Variants in GNAQ observed in about 807,000 individuals in gnomAD.
The protein encoded by GNAQ is guanine nucleotide-binding protein G(q) subunit alpha.
A neutral mutation model predicts 43.9 loss-of-function variants in GNAQ; 8 were observed. The ratio of observed to expected loss-of-function variants is 0.18; its 90% CI spans 0.11 to 0.33. The LOEUF is 0.33. GNAQ is among the 10% of genes least tolerant of loss of function. The probability of loss-of-function intolerance (pLI) is 1.00; values close to 1 mark genes in which losing one functional copy is unlikely to be tolerated. For synonymous variants in GNAQ, 155 were observed against 170.7 expected, an observed-to-expected ratio of 0.91 and a Z score of 0.71; for missense variants, 158 against 450.8, an observed-to-expected ratio of 0.35 and a Z score of 5.88.
chr9:77,854,349 C>G (rs1298619722), intron 2 of GNAQ, among the ~76,000 whole-genome samples: 1 of 152,062 alleles, frequency 6.6e-6, no homozygotes, highest in Admixed American at 6.6e-5. Flanking sequence ...AATTATAGGT[C>G]ACATCAATTT....
intron 2 of GNAQ, among the ~76,000 whole-genome samples, chr9:77,855,176 T>C (rs143561680): frequency 1.5e-3 from 222 of 152,074 alleles, no homozygotes; most frequent in African/African-American, 5.0e-3. Flanking sequence ...TCTGAAAACA[T>C]AAATGAAAAT....
At chr9:77,828,542 C>G (rs757433764) in intron 2 of GNAQ, among the ~76,000 whole-genome samples, 21 of 152,204 alleles carry the variant, frequency 1.4e-4, no homozygotes, top group South Asian at 2.1e-4. Flanking sequence ...GTGCCTGTCA[C>G]TGCTATTTAA....
At chr9:77,874,373 A>C (rs1407665455) in intron 2 of GNAQ, among the ~76,000 whole-genome samples, 1 of 152,146 alleles carries the variant, frequency 6.6e-6, no homozygotes, top group Non-Finnish European at 1.5e-5. Flanking sequence ...CCCGCGTTCC[A>C]AGATATTCTT....
intron 1 of GNAQ, among the ~76,000 whole-genome samples, chr9:78,023,937 T>C (rs1823943541): frequency 6.6e-6 from 1 of 152,202 alleles, no homozygotes; most frequent in African/African-American, 2.4e-5. Context: ...ACATATTGTA[T>C]ATGTGTGTAT....
At chr9:77,731,674 G>T (rs1210892776) in intron 5 of GNAQ, among the ~76,000 whole-genome samples, 1 of 152,182 alleles carries the variant, frequency 6.6e-6, no homozygotes, top group Non-Finnish European at 1.5e-5. Flanking sequence ...GTGTAGCTAT[G>T]AATCACATGG....
intron 1 of GNAQ, among the ~76,000 whole-genome samples, chr9:78,023,614 G>A (rs1297938774): frequency 6.6e-6 from 1 of 151,306 alleles, no homozygotes; most frequent in Admixed American, 6.6e-5. Flanking sequence ...CAATCACCCT[G>A]TTGCCCCTAC....
At chr9:77,799,328 A>G (rs1015824839) in intron 3 of GNAQ, among the ~76,000 whole-genome samples, 1 of 152,228 alleles carries the variant, frequency 6.6e-6, no homozygotes, top group African/African-American at 2.4e-5. Flanking sequence ...TCTAAGATAC[A>G]TAACAAGGAA....
intron 2 of GNAQ, among the ~76,000 whole-genome samples, chr9:77,866,906 G>A (rs936255525): frequency 4.6e-5 from 7 of 152,168 alleles, no homozygotes; most frequent in African/African-American, 1.7e-4. Context: ...TGTCTTTAAA[G>A]AAATATATTT....
At chr9:77,898,862 C>T (rs763798012) in intron 2 of GNAQ, among the ~76,000 whole-genome samples, 2 of 152,012 alleles carry the variant, frequency 1.3e-5, no homozygotes, top group African/African-American at 4.8e-5. Flanking sequence ...GTTATTAAAA[C>T]AGGATTACAT....
At chr9:77,897,542 C>T (rs1358792121) in intron 2 of GNAQ, among the ~76,000 whole-genome samples, 1 of 152,218 alleles carries the variant, frequency 6.6e-6, no homozygotes, top group Non-Finnish European at 1.5e-5. Context: ...TTCTCCCTGG[C>T]CTGCCCTCAG....
chr9:77,777,302 T>G (rs916833852), intron 5 of GNAQ, among the ~76,000 whole-genome samples: 2 of 152,122 alleles, frequency 1.3e-5, no homozygotes, highest in African/African-American at 4.8e-5. Context: ...CATTAGAAAC[T>G]GTAATACCAT....
intron 1 of GNAQ, among the ~76,000 whole-genome samples, chr9:78,011,440 T>A (rs1823771479): frequency 6.6e-6 from 1 of 151,784 alleles, no homozygotes; most frequent in African/African-American, 2.4e-5. Flanking sequence ...AAAAGAAAAA[T>A]GAAGAGAATG....
chr9:77,761,163 TG>T (rs1231089340), intron 5 of GNAQ, among the ~76,000 whole-genome samples: 39 of 106,730 alleles, frequency 3.7e-4, no homozygotes, highest in African/African-American at 1.2e-3. Flanking sequence ...GGGAGGGAGG[TG>T]GGGGGGTCAG....
intron 2 of GNAQ, among the ~76,000 whole-genome samples, chr9:77,863,223 G>A (rs536767961): frequency 3.6e-4 from 55 of 151,796 alleles, no homozygotes; most frequent in African/African-American, 1.3e-3. Flanking sequence ...AGGAAGGGAG[G>A]AAGGAAGAAA....
intron 1 of GNAQ, among the ~76,000 whole-genome samples, chr9:77,980,659 T>G (rs1179712270): frequency 7.3e-6 from 1 of 137,624 alleles, no homozygotes; most frequent in Non-Finnish European, 1.6e-5. Context: ...ACCACTTTAC[T>G]AGTTTAAAAA....
chr9:78,003,135 T>C (rs1226691636), intron 1 of GNAQ, among the ~76,000 whole-genome samples: 3 of 152,172 alleles, frequency 2.0e-5, no homozygotes, highest in African/African-American at 4.8e-5. Flanking sequence ...AGCCTTATAA[T>C]TCAAAACCAA....
intron 5 of GNAQ, among the ~76,000 whole-genome samples, chr9:77,768,152 T>G (rs74682105): frequency 0.036 from 5,459 of 151,718 alleles, 285 homozygotes; most frequent in African/African-American, 0.12. Flanking sequence ...CAGTGGCAGG[T>G]CTGGGATTTG....
At chr9:77,755,298 C>T (rs1428574720) in intron 5 of GNAQ, among the ~76,000 whole-genome samples, 1 of 151,936 alleles carries the variant, frequency 6.6e-6, no homozygotes, top group Non-Finnish European at 1.5e-5. Context: ...CGAATAAGAT[C>T]TAGTATTTGA....
intron 2 of GNAQ, among the ~76,000 whole-genome samples, chr9:77,836,896 G>A (rs559194356): frequency 6.6e-6 from 1 of 152,318 alleles, no homozygotes; most frequent in Non-Finnish European, 1.5e-5. Context: ...GTGGAGTAGA[G>A]ATAGGACATA....
Sources: gnomAD v4.1 joint callset for allele counts (sites outside exome capture counted in the v4.1 genomes callset) on GRCh38, gnomAD v4.1.1 for gene constraint, MANE v1.5 for transcripts, NCBI Gene and HGNC (gene_info 2026-07-23, HGNC 2026-07-21) for gene names.